PCDHA8: variants seen among roughly 807,000 people sequenced by gnomAD.
PCDHA8 encodes protocadherin alpha 8, also known as protocadherin alpha-8.
PCDHA8 carries 53 observed loss-of-function variants against 61.8 expected under a neutral mutation model. That is an observed-to-expected ratio of 0.86 (90% CI 0.69 to 1.08). The LOEUF is 1.08. Among genes scored for constraint, PCDHA8 ranks in the 50% least tolerant of loss-of-function variants. The probability of loss-of-function intolerance (pLI) is 0.00; values close to 1 mark genes in which losing one functional copy is unlikely to be tolerated. For synonymous variants in PCDHA8, 618 were observed against 556.6 expected, an observed-to-expected ratio of 1.11 and a Z score of -1.55; for missense variants, 1,293 against 1,245.0, an observed-to-expected ratio of 1.04 and a Z score of -0.58.
chr5:140,957,257 T>C (rs2095345219), intron 1 of PCDHA8, among the ~76,000 whole-genome samples: 1 of 152,184 alleles, frequency 6.6e-6, no homozygotes, highest in Admixed American at 6.5e-5. Context: ...AATTTAAATA[T>C]GTAAGCACTA....
At chr5:140,872,181 G>T (rs2053527538) in intron 1 of PCDHA8, among the ~76,000 whole-genome samples, 1 of 151,138 alleles carries the variant, frequency 6.6e-6, no homozygotes, top group Admixed American at 6.6e-5. Flanking sequence ...TTTTTTTACA[G>T]TGTTAAACGT....
At chr5:141,002,923 C>A (rs1261794185) in intron 3 of PCDHA8, among the ~76,000 whole-genome samples, 2 of 152,220 alleles carry the variant, frequency 1.3e-5, no homozygotes, top group Non-Finnish European at 2.9e-5. Flanking sequence ...AAAGTGAACA[C>A]CCTCCAACAC....
intron 1 of PCDHA8, among the ~76,000 whole-genome samples, chr5:140,955,418 G>A: frequency 6.6e-6 from 1 of 152,140 alleles, no homozygotes; most frequent in Non-Finnish European, 1.5e-5. Flanking sequence ...ATGATAGTGA[G>A]TGAGTTCTCA....
chr5:140,863,595 A>T (rs976338326), intron 1 of PCDHA8: 15 of 357,408 alleles, frequency 4.2e-5, no homozygotes, highest in Admixed American at 3.4e-4. Flanking sequence ...AAAGTATTTC[A>T]TTCCTATTAA....
chr5:140,921,779 T>C (rs1584242105), intron 1 of PCDHA8, among the ~76,000 whole-genome samples: 2 of 152,246 alleles, frequency 1.3e-5, no homozygotes, highest in East Asian at 3.9e-4. Context: ...AATACTGACT[T>C]GGATGTTCTA....
At position 141,011,769 on chromosome 5, in the gene PCDHA8, A is replaced by C. The variant is rs2098421803; in HGVS notation, c.*1832A>C. 1 of 153,794 alleles carries C rather than the reference A, an allele frequency of 6.5e-6. No homozygotes were observed. The highest frequency in any genetic ancestry group is 1.5e-5 in the Non-Finnish European group (1 of 68,040). 9.5% of individuals were successfully genotyped at this position (153,794 alleles called of 1,614,324 possible). On this transcript the variant is annotated 3_prime_UTR_variant, in exon 4 of 4. Coordinates refer to ENST00000531613, the MANE Select transcript of PCDHA8 (RefSeq NM_018911.3). ...AATCTGACCTCTTTGAAGTTGCAGA[A>C]TGCTTTGAAATTCTAATGGTATCTG... is the stretch of plus-strand genomic sequence containing the variant.
intron 1 of PCDHA8, among the ~76,000 whole-genome samples, chr5:140,898,621 C>T (rs1356286726): frequency 8.5e-5 from 13 of 152,312 alleles, no homozygotes; most frequent in African/African-American, 2.6e-4. Flanking sequence ...AGTCAGGTAG[C>T]ATAATGCCTC....
intron 1 of PCDHA8, chr5:140,883,465 C>T: frequency 6.2e-7 from 1 of 1,614,156 alleles, no homozygotes; most frequent in South Asian, 1.1e-5. Context: ...AGCTGGTGTC[C>T]ACCTACAAGA....
At chr5:140,956,132 C>A (rs782171826) in intron 1 of PCDHA8, among the ~76,000 whole-genome samples, 1 of 152,028 alleles carries the variant, frequency 6.6e-6, no homozygotes, top group African/African-American at 2.4e-5. Context: ...ATTTGAATAC[C>A]CTTTATTTCT....
At position 140,897,620 on chromosome 5, in the gene PCDHA8, A is replaced by G. The variant is rs1317464980; in HGVS notation, c.2394+53905A>G. On this transcript the variant is annotated intron_variant, in intron 1 of 3. Coordinates refer to ENST00000531613, the MANE Select transcript of PCDHA8 (RefSeq NM_018911.3). Reference sequence around the variant, plus strand: ...ACATTTGGGTTGGTTCCAAGTCTTTACTATTGTGTATAGTGCCACAATAAA... The same window carrying G: ...ACATTTGGGTTGGTTCCAAGTCTTTGCTATTGTGTATAGTGCCACAATAAA... Among the ~76,000 whole-genome samples, 1,214 of 152,126 alleles carry G rather than the reference A, an allele frequency of 8.0e-3. 6 individuals are homozygous for G. The highest frequency in any genetic ancestry group is 0.019 in the African/African-American group (783 of 41,492).
At chr5:140,967,809 A>G in intron 1 of PCDHA8, 1 of 1,614,190 alleles carries the variant, frequency 6.2e-7, no homozygotes. Flanking sequence ...ATGGCAGGTC[A>G]CTGCAAGGTG....
chr5:140,979,898 G>A (rs1253481087), intron 2 of PCDHA8, among the ~76,000 whole-genome samples: 2 of 152,212 alleles, frequency 1.3e-5, no homozygotes, highest in Non-Finnish European at 1.5e-5. Context: ...ACCAAACTTA[G>A]ATCAGTTCGT....
intron 1 of PCDHA8, among the ~76,000 whole-genome samples, chr5:140,960,717 T>TATTTTAGTCCATG (rs1244851083): frequency 3.3e-5 from 1 of 30,264 alleles, no homozygotes; most frequent in Non-Finnish European, 6.2e-5. Flanking sequence ...ATACTCATCT[T>TATTTTAGTCCATG]ATTTTAGTCC....
chr5:140,971,958 CT>C (rs1176007834), intron 1 of PCDHA8, among the ~76,000 whole-genome samples: 2 of 152,172 alleles, frequency 1.3e-5, no homozygotes, highest in African/African-American at 2.4e-5. Context: ...ACTCCAAAAA[CT>C]TTTTTTCAAT....
chr5:140,951,252 A>G (rs568359458), intron 1 of PCDHA8, among the ~76,000 whole-genome samples: 1 of 151,856 alleles, frequency 6.6e-6, no homozygotes, highest in African/African-American at 2.4e-5. Context: ...AATGCATCAC[A>G]TTTTTCTGGT....
Position 140,870,192 on chromosome 5 carries a change from G to T in PCDHA8, c.2394+26477G>T. 6 of 1,614,158 alleles carry T rather than the reference G, an allele frequency of 3.7e-6. No homozygotes were observed. Among genetic ancestry groups the T allele is most frequent in the Non-Finnish European group, 5.1e-6 (6 of 1,180,034 alleles). ...CCCTCCCAGTACGAGAGGACGCTCAGCCCAGCACGGTCATTGCCCTGATCA... is the reference window on the plus strand; with the variant it reads ...CCCTCCCAGTACGAGAGGACGCTCATCCCAGCACGGTCATTGCCCTGATCA... On this transcript the variant is annotated intron_variant, in intron 1 of 3. Coordinates refer to ENST00000531613, the MANE Select transcript of PCDHA8 (RefSeq NM_018911.3).
intron 1 of PCDHA8, chr5:140,851,015 G>A: frequency 2.1e-6 from 3 of 1,432,294 alleles, no homozygotes; most frequent in Non-Finnish European, 1.8e-6. Context: ...TTTTTTTTCT[G>A]ATAAAGTAAA....
chr5:140,913,035 T>C (rs1277110200), intron 1 of PCDHA8, among the ~76,000 whole-genome samples: 2 of 152,242 alleles, frequency 1.3e-5, no homozygotes, highest in African/African-American at 4.8e-5. Context: ...TCATCAGATA[T>C]ATTGGCCTGG....
intron 1 of PCDHA8, chr5:140,859,802 T>G (rs1318090519): frequency 6.6e-6 from 1 of 152,544 alleles, no homozygotes; most frequent in Non-Finnish European, 1.5e-5. Flanking sequence ...TTATAGATGC[T>G]AAGTTAATGC....
Sources: gnomAD v4.1 joint callset for allele counts (sites outside exome capture counted in the v4.1 genomes callset) on GRCh38, gnomAD v4.1.1 for gene constraint, MANE v1.5 for transcripts, NCBI Gene and HGNC (gene_info 2026-07-23, HGNC 2026-07-21) for gene names.